SMARCC1: variants seen among roughly 807,000 people sequenced by gnomAD.
The protein encoded by SMARCC1 is SWI/SNF complex subunit SMARCC1.
SMARCC1 carries 43 observed loss-of-function variants against 147.4 expected under a neutral mutation model. That is an observed-to-expected ratio of 0.29 (90% CI 0.23 to 0.38). SMARCC1 has a LOEUF of 0.38. Ranked by LOEUF, SMARCC1 falls within the 10% of genes least tolerant of loss-of-function variation. The pLI is 1.00. For missense variants in SMARCC1, 1,119 were observed against 1,381.1 expected (o/e 0.81, Z 3.01); for synonymous variants, 495 against 484.4 (o/e 1.02, Z -0.29).
chr3:47,615,074 A>C (rs548401468), intron 25 of SMARCC1, among the ~76,000 whole-genome samples: 1 of 152,288 alleles, frequency 6.6e-6, no homozygotes, highest in South Asian at 2.1e-4. Context: ...AATAAGGCCT[A>C]ATCTGATGAC....
intron 21 of SMARCC1, among the ~76,000 whole-genome samples, chr3:47,651,248 G>A (rs544285129): frequency 6.6e-6 from 1 of 152,198 alleles, no homozygotes; most frequent in Non-Finnish European, 1.5e-5. Context: ...AGGTTGCAGT[G>A]AGCCAAGATT....
At chr3:47,750,256 GA>G (rs1306072902) in intron 2 of SMARCC1, among the ~76,000 whole-genome samples, 1 of 152,082 alleles carries the variant, frequency 6.6e-6, no homozygotes, top group Non-Finnish European at 1.5e-5. Context: ...CCAACATGGT[GA>G]AACCATGTCT....
At chr3:47,688,709 C>T (rs2033758953) in intron 13 of SMARCC1, among the ~76,000 whole-genome samples, 1 of 152,206 alleles carries the variant, frequency 6.6e-6, no homozygotes, top group Non-Finnish European at 1.5e-5. Flanking sequence ...AAAGTCTACA[C>T]TGCATCAATA....
Position 47,745,823 on chromosome 3 carries a change from C to T in SMARCC1, c.401+85G>A, listed in dbSNP as rs998246306. The T allele has an allele frequency of 7.5e-5, 57 of 761,050 alleles. No individual in the cohort carries two copies. The African/African-American group carries it at 9.4e-4, about 13-fold the overall frequency. The allele number at this position is 761,050 out of a possible 1,614,324, so 47.1% of individuals were successfully genotyped here. ...GGTAAAACACATTAATCATCATGTG[C>T]TTACAGGATTTTCTAACACAAGGAA... On this transcript the variant is annotated intron_variant, in intron 3 of 27. Coordinates refer to ENST00000254480, the MANE Select transcript of SMARCC1 (RefSeq NM_003074.4).
intron 22 of SMARCC1, among the ~76,000 whole-genome samples, 194 bp from the exon 23 acceptor site, chr3:47,636,330 T>C (rs1246484348): frequency 6.6e-6 from 1 of 152,242 alleles, no homozygotes; most frequent in Non-Finnish European, 1.5e-5. Context: ...ACTTCAACAC[T>C]TGAGTGCTCA....
intron 5 of SMARCC1, 75 bp from the exon 6 acceptor site, chr3:47,729,169 C>T: frequency 1.2e-6 from 1 of 860,422 alleles, no homozygotes; most frequent in South Asian, 1.7e-5. Flanking sequence ...ATACAAATTC[C>T]ATACAAATTC....
chr3:47,645,890 G>A (rs1451433107), intron 21 of SMARCC1, among the ~76,000 whole-genome samples: 1 of 152,212 alleles, frequency 6.6e-6, no homozygotes, highest in Non-Finnish European at 1.5e-5. Context: ...TATGATAATA[G>A]TACAGATAGA....
chr3:47,723,082 C>T (rs556046408), intron 6 of SMARCC1, among the ~76,000 whole-genome samples: 2 of 152,194 alleles, frequency 1.3e-5, no homozygotes, highest in South Asian at 2.1e-4. Context: ...GATAAGGAGA[C>T]GGTTACAGCT....
At position 47,678,326 on chromosome 3, in the gene SMARCC1, C is replaced by A; in HGVS notation, c.1458-15G>T. The stretch of plus-strand genomic sequence containing the variant: ...ATGCCAAGTATCTAAAAAGCAATGG[C>A]AAAATTCATAAGGTGGACATGTATC... On this transcript the variant is annotated splice_polypyrimidine_tract_variant and intron_variant, in intron 15 of 27. Coordinates refer to ENST00000254480, the MANE Select transcript of SMARCC1 (RefSeq NM_003074.4). 7.2e-7 allele frequency: 1 copy of A among 1,384,982 alleles called. No homozygotes were observed. Among genetic ancestry groups the A allele is most frequent in the Non-Finnish European group, 1.0e-6 (1 of 986,044 alleles). 85.8% of individuals were successfully genotyped at this position (1,384,982 alleles called of 1,614,324 possible).
At chr3:47,660,712 C>T (rs1165014947) in intron 21 of SMARCC1, among the ~76,000 whole-genome samples, 1 of 152,020 alleles carries the variant, frequency 6.6e-6, no homozygotes, top group Non-Finnish European at 1.5e-5. Flanking sequence ...TTAGTGGGTA[C>T]CACAGCTGAA....
At chr3:47,627,755 C>T (rs2032832731) in intron 24 of SMARCC1, among the ~76,000 whole-genome samples, 1 of 152,138 alleles carries the variant, frequency 6.6e-6, no homozygotes, top group African/African-American at 2.4e-5. Flanking sequence ...CAGGATCTCA[C>T]TGTCATTCAG....
intron 27 of SMARCC1, 145 bp from the exon 28 acceptor site, chr3:47,588,451 G>A: frequency 1.4e-6 from 1 of 697,660 alleles, no homozygotes; most frequent in South Asian, 1.7e-5. Flanking sequence ...TTCCACTGTG[G>A]TCTATGCAAG....
intron 6 of SMARCC1, among the ~76,000 whole-genome samples, chr3:47,728,077 C>CTTTT: frequency 1.7e-5 from 1 of 59,682 alleles, no homozygotes; most frequent in Admixed American, 1.9e-4. Flanking sequence ...CTTATTAGTC[C>CTTTT]CTTTTTTTTT....
chr3:47,684,064 C>T (rs1158634524), intron 14 of SMARCC1, among the ~76,000 whole-genome samples: 1 of 151,880 alleles, frequency 6.6e-6, no homozygotes, highest in South Asian at 2.1e-4. Context: ...CACGGTGAAA[C>T]CCCGTCTCTA....
At chr3:47,604,726 T>A (rs2032443158) in intron 26 of SMARCC1, 1 of 94,960 alleles carries the variant, frequency 1.1e-5, no homozygotes, top group African/African-American at 3.5e-5. Flanking sequence ...AGATAGGGTC[T>A]CTCACTCTGT....
At chr3:47,729,873 T>C (rs1486438451) in intron 5 of SMARCC1, among the ~76,000 whole-genome samples, 1 of 152,212 alleles carries the variant, frequency 6.6e-6, no homozygotes, top group Non-Finnish European at 1.5e-5. Context: ...ACAAATTTAG[T>C]TTCCTGATGC....
chr3:47,634,965 C>CT (rs2032948725), intron 24 of SMARCC1, among the ~76,000 whole-genome samples: 1 of 152,174 alleles, frequency 6.6e-6, no homozygotes, highest in African/African-American at 2.4e-5. Flanking sequence ...CTTTACAAGG[C>CT]TAAATGGTAT....
chr3:47,661,360 C>A lies in SMARCC1; in HGVS notation c.2254G>T (p.Asp752Tyr). 1.2e-6 allele frequency: 2 copies of A among 1,613,884 alleles called. No individual in the cohort carries two copies. Among genetic ancestry groups the A allele is most frequent in the Non-Finnish European group, 1.7e-6 (2 of 1,179,880 alleles). ...QEAARASGKVDPTYGLESSCI... is the reference protein window; with the variant it reads ...QEAARASGKVYPTYGLESSCI... ...CTGCTCTCCAGACCGTAGGTGGGAT[C>A]CACTTTCCCAGAGGCTCGTGCTGCT... The change falls in exon 21 of 28, where the codon GAT (aspartate) becomes TAT (tyrosine). Residue 752 changes from aspartate (D) to tyrosine (Y), a missense_variant. Physicochemically the swap from Asp to Tyr is radical, Grantham distance 160 (BLOSUM62 -3). Coordinates refer to ENST00000254480, the MANE Select transcript of SMARCC1 (RefSeq NM_003074.4).
chr3:47,595,444 T>C (rs911055787), intron 26 of SMARCC1, among the ~76,000 whole-genome samples: 2 of 151,912 alleles, frequency 1.3e-5, no homozygotes, highest in African/African-American at 2.4e-5. Flanking sequence ...GGAGAATCGC[T>C]TGAACCGGAG....
Sources: allele counts gnomAD v4.1 joint callset (sites outside exome capture counted in the v4.1 genomes callset), GRCh38; gene constraint gnomAD v4.1.1; transcripts MANE v1.5; gene names NCBI Gene and HGNC (gene_info 2026-07-23, HGNC 2026-07-21).